DAB1: variants seen among roughly 807,000 people sequenced by gnomAD.
DAB1 encodes DAB adaptor protein 1.
DAB1 carries 15 observed loss-of-function variants against 64.6 expected under a neutral mutation model. The ratio of observed to expected loss-of-function variants is 0.23; its 90% confidence interval spans 0.16 to 0.36. The LOEUF is 0.36. Ranked by LOEUF, DAB1 falls within the 10% of genes least tolerant of loss-of-function variation. DAB1 has a pLI of 1.00. For missense variants in DAB1, 596 were observed against 706.7 expected, an observed-to-expected ratio of 0.84 and a Z score of 1.78; for synonymous variants, 235 against 251.9, an observed-to-expected ratio of 0.93 and a Z score of 0.64.
At chr1:57,566,212 G>A (rs1455415825) in intron 7 of DAB1, among the ~76,000 whole-genome samples, 6 of 152,160 alleles carry the variant, frequency 3.9e-5, no homozygotes, top group Admixed American at 2.6e-4. Flanking sequence ...AAATAAAGAT[G>A]TTCTTTGAAA....
chr1:57,955,998 T>C (rs1645384210), intron 5 of DAB1, among the ~76,000 whole-genome samples: 1 of 152,114 alleles, frequency 6.6e-6, no homozygotes. Context: ...GATGGGTCAG[T>C]TTGGCTTCAG....
At chr1:58,428,841 T>C (rs1644844204) in intron 3 of DAB1, among the ~76,000 whole-genome samples, 2 of 152,182 alleles carry the variant, frequency 1.3e-5, no homozygotes, top group East Asian at 3.8e-4. Context: ...AAGTAGTTAT[T>C]AGATAATAAA....
At chr1:58,245,397 C>T (rs1342206301) in intron 4 of DAB1, among the ~76,000 whole-genome samples, 2 of 152,158 alleles carry the variant, frequency 1.3e-5, no homozygotes, top group South Asian at 4.1e-4. Flanking sequence ...TAGCTTATCA[C>T]GTGTGCCTCT....
intron 1 of DAB1, among the ~76,000 whole-genome samples, chr1:57,866,124 T>C (rs1355414876): frequency 1.3e-5 from 2 of 152,192 alleles, no homozygotes; most frequent in African/African-American, 4.8e-5. Flanking sequence ...ATTTCTTCAT[T>C]TATAAAATGC....
intron 7 of DAB1, among the ~76,000 whole-genome samples, chr1:57,555,519 G>A (rs1388335629): frequency 6.6e-6 from 1 of 151,784 alleles, no homozygotes; most frequent in Non-Finnish European, 1.5e-5. Flanking sequence ...AGTTTACACA[G>A]GTCGTGTAAA....
chr1:57,126,917 T>G (rs777789873), intron 4 of DAB1, among the ~76,000 whole-genome samples: 2 of 152,324 alleles, frequency 1.3e-5, no homozygotes, highest in African/African-American at 4.8e-5. Context: ...CTTCTCACTT[T>G]GACCCAGTCC....
At chr1:58,369,972 G>C (rs1644249670) in intron 3 of DAB1, among the ~76,000 whole-genome samples, 1 of 152,196 alleles carries the variant, frequency 6.6e-6, no homozygotes, top group South Asian at 2.1e-4. Flanking sequence ...AGTATAAATT[G>C]TTGTAGCACC....
chr1:57,165,646 G>A (rs1463873379), intron 2 of DAB1, among the ~76,000 whole-genome samples: 1 of 152,148 alleles, frequency 6.6e-6, no homozygotes, highest in Non-Finnish European at 1.5e-5. Context: ...TGCCCTAAGA[G>A]GTAGTATGAT....
At chr1:58,435,867 A>G (rs1446007079) in intron 3 of DAB1, among the ~76,000 whole-genome samples, 2 of 152,164 alleles carry the variant, frequency 1.3e-5, no homozygotes, top group Admixed American at 6.6e-5. Flanking sequence ...CAAATATCGG[A>G]GATAATTTAG....
Position 57,990,219 on chromosome 1 carries a change from G to C in DAB1, n.388-106057C>G, listed in dbSNP as rs368439383. ...AGTCCAAAATAATGATGCTGCTGATGCAACAGCAGAACTTATTAAACACTT... is the reference window on the plus strand; with the variant it reads ...AGTCCAAAATAATGATGCTGCTGATCCAACAGCAGAACTTATTAAACACTT... On this transcript the variant is annotated intron_variant and non_coding_transcript_variant, in intron 5 of 20. Transcript: ENST00000485760. Among the ~76,000 whole-genome samples, 19 of 152,318 alleles carry C rather than the reference G, an allele frequency of 1.2e-4. 1 individual carries two copies. The highest frequency in any genetic ancestry group is 4.6e-4 in the African/African-American group (19 of 41,580).
At chr1:57,596,023 T>C (rs975333895) in intron 7 of DAB1, among the ~76,000 whole-genome samples, 1 of 152,220 alleles carries the variant, frequency 6.6e-6, no homozygotes, top group Non-Finnish European at 1.5e-5. Context: ...GAACAGACTA[T>C]ACACCTTGGT....
intron 2 of DAB1, among the ~76,000 whole-genome samples, chr1:57,224,800 G>A (rs1156574477): frequency 6.6e-6 from 1 of 152,214 alleles, no homozygotes; most frequent in African/African-American, 2.4e-5. Flanking sequence ...GGCCCTGAGA[G>A]AGCTTCAGGA....
intron 1 of DAB1, among the ~76,000 whole-genome samples, chr1:57,374,164 T>C (rs754816871): frequency 5.8e-4 from 84 of 144,950 alleles, no homozygotes; most frequent in Non-Finnish European, 1.1e-3. Flanking sequence ...CAGTAAACCT[T>C]TGTTGCATAA....
At chr1:57,706,870 C>T (rs551195635) in intron 6 of DAB1, among the ~76,000 whole-genome samples, 1 of 151,776 alleles carries the variant, frequency 6.6e-6, no homozygotes, top group Admixed American at 6.6e-5. Context: ...GTCAGGAGTT[C>T]GAGACCAGAC....
In DAB1 at chr1:57,845,438, T is replaced by A. The variant is rs372193898; in HGVS notation, n.88-18983A>T. 2.0e-5 allele frequency among the ~76,000 whole-genome samples: 3 copies of A among 152,316 alleles called. No individual in the cohort carries two copies. In the South Asian group the frequency reaches 6.2e-4, roughly 32 times the overall value. ...TGGTAGTCTTGCAGATATGATCCTCTAACTGTTGTGGTAGACAGCACAGTC... is the reference window on the plus strand; with the variant it reads ...TGGTAGTCTTGCAGATATGATCCTCAAACTGTTGTGGTAGACAGCACAGTC... On this transcript the variant is annotated intron_variant and non_coding_transcript_variant, in intron 1 of 1. Coordinates refer to the DAB1 transcript ENST00000477280.
At chr1:57,846,455 CAAAAA>C (rs71051260) in intron 1 of DAB1, among the ~76,000 whole-genome samples, 31,171 of 113,482 alleles carry the variant, frequency 0.27, 3,879 homozygotes, top group Non-Finnish European at 0.34. Flanking sequence ...AAGACTCCAT[CAAAAA>C]AAAAAAAAAA....
At chr1:57,940,183 G>C (rs1357864151) in intron 5 of DAB1, among the ~76,000 whole-genome samples, 1 of 152,196 alleles carries the variant, frequency 6.6e-6, no homozygotes, top group Non-Finnish European at 1.5e-5. Flanking sequence ...TTCAGTGAGG[G>C]ATACAGGTCC....
At chr1:57,556,857 A>G (rs2101493186) in intron 7 of DAB1, among the ~76,000 whole-genome samples, 1 of 152,322 alleles carries the variant, frequency 6.6e-6, no homozygotes, top group East Asian at 1.9e-4. Context: ...GCCTAAGCCA[A>G]TGTCTAGAAG....
rs116618060 is a variant in DAB1 at position 58,487,156 on chromosome 1, G to A, written n.257+18904C>T. ...CGGTAACTTGGGAGGAGATGATGGT[G>A]ACTTTTACTAGGAAAGGAGCAGTGG... On this transcript the variant is annotated intron_variant and non_coding_transcript_variant, in intron 3 of 20. Transcript: ENST00000485760. 7.0e-3 allele frequency among the ~76,000 whole-genome samples: 1,073 copies of A among 152,286 alleles called. 7 individuals are homozygous for A. The highest frequency in any genetic ancestry group is 0.018 in the African/African-American group (745 of 41,552).
Sources: allele counts gnomAD v4.1 joint callset (sites outside exome capture counted in the v4.1 genomes callset), GRCh38; gene constraint gnomAD v4.1.1; transcripts MANE v1.5; gene names NCBI Gene and HGNC (gene_info 2026-07-23, HGNC 2026-07-21).